Variants in FAM118B observed in about 807,000 individuals in gnomAD.
The protein encoded by FAM118B is protein FAM118B.
In FAM118B, 24 loss-of-function variants were observed where a neutral mutation model predicts 38.5. That is an observed-to-expected ratio of 0.62 (90% CI 0.45 to 0.88). The LOEUF is 0.88. Ranked by LOEUF, FAM118B falls within the 40% of genes least tolerant of loss-of-function variation. FAM118B has a pLI of 0.00. For missense variants in FAM118B, 334 were observed against 420.0 expected, an observed-to-expected ratio of 0.80 and a Z score of 1.79; for synonymous variants, 138 against 156.3, an observed-to-expected ratio of 0.88 and a Z score of 0.87.
At chr11:126,213,700 A>C (rs1016210120) in intron 1 of FAM118B, among the ~76,000 whole-genome samples, 6 of 152,196 alleles carry the variant, frequency 3.9e-5, no homozygotes, top group Non-Finnish European at 8.8e-5. Context: ...ACCTTATGGC[A>C]TTCAAGAAAC....
chr11:126,241,003 C>T lies in FAM118B; in HGVS notation c.298C>T (p.Leu100=), dbSNP rs1483011043. ...GAAATGTCTCCATGAAGACAAGAAC[C>T]TGGTCCATGTTGCCCATGACCTTAT... ...FQKCLHEDKN[L]VHVAHDLIQK... The change falls in exon 4 of 9, where the codon CTG becomes TTG. Residue 100 remains leucine (L), a synonymous_variant. Coordinates refer to ENST00000533050, the MANE Select transcript of FAM118B (RefSeq NM_024556.4). 6.2e-7 allele frequency: 1 copy of T among 1,613,394 alleles called. No homozygotes were observed. The highest frequency in any genetic ancestry group is 1.3e-5 in the African/African-American group (1 of 75,026).
Position 126,255,630 on chromosome 11 carries a change from A to G in FAM118B, c.697-937A>G, listed in dbSNP as rs945887824. On this transcript the variant is annotated intron_variant, in intron 6 of 8. Transcript: ENST00000533050. The surrounding 1 kb of genome is among the most constrained non-coding windows in gnomAD (Gnocchi z 4.6). ...ATATGGTCCAGAAATGGAAGGATTA[A>G]GATATATGAAGACCTACTCTTTGCA... Among the ~76,000 whole-genome samples, 1 of 152,218 alleles carries G rather than the reference A, an allele frequency of 6.6e-6. No homozygotes were observed.
chr11:126,260,725 T>C (rs751969034), intron 7 of FAM118B: 5 of 152,238 alleles, frequency 3.3e-5, no homozygotes, highest in Non-Finnish European at 7.3e-5. Context: ...ATTTGTATAT[T>C]TGAGTACCAT....
chr11:126,228,244 G>T (rs913767965), intron 1 of FAM118B, among the ~76,000 whole-genome samples: 1 of 152,054 alleles, frequency 6.6e-6, no homozygotes, highest in African/African-American at 2.4e-5. Context: ...TGTCACCCAG[G>T]CTGGAGTGCA....
In FAM118B at chr11:126,241,011, T is replaced by A; in HGVS notation, c.306T>A (p.His102Gln). Reference sequence around the variant, plus strand: ...TCCATGAAGACAAGAACCTGGTCCATGTTGCCCATGACCTTATCCAGAAAC... The same window carrying A: ...TCCATGAAGACAAGAACCTGGTCCAAGTTGCCCATGACCTTATCCAGAAAC... ...KCLHEDKNLVHVAHDLIQKLS... is the reference protein window; with the variant it reads ...KCLHEDKNLVQVAHDLIQKLS... Residue 102 changes from histidine to glutamine, a missense_variant, in exon 4 of 9, where the codon CAT (histidine) becomes CAA (glutamine). Around this residue, in one of 3 missense-constraint regions of FAM118B, gnomAD observed 240 missense variants for 295.9 expected, o/e 0.81. Transcript: ENST00000533050. 1 of 1,612,458 alleles carries A rather than the reference T, an allele frequency of 6.2e-7. No homozygotes were observed. Among genetic ancestry groups the A allele is most frequent in the South Asian group, 1.1e-5 (1 of 90,978 alleles).
In FAM118B at chr11:126,236,727, T is replaced by A. The variant is rs144491544; in HGVS notation, c.86+1640T>A. Among the ~76,000 whole-genome samples, 460 of 152,146 alleles carry A rather than the reference T, an allele frequency of 3.0e-3. 2 individuals carry two copies. The highest frequency in any genetic ancestry group is 0.011 in the African/African-American group (443 of 41,546). On this transcript the variant is annotated intron_variant, in intron 3 of 8. Coordinates refer to ENST00000533050, the MANE Select transcript of FAM118B (RefSeq NM_024556.4). ...TGTTATTCAGATGTTGGACTTCTTG[T>A]ATTAAGTCTCTAATTTTTTATGTGT...
intron 2 of FAM118B, among the ~76,000 whole-genome samples, chr11:126,231,984 C>T (rs556841339): frequency 6.6e-6 from 1 of 152,158 alleles, no homozygotes; most frequent in Non-Finnish European, 1.5e-5. Flanking sequence ...GATTACTTGG[C>T]ATTACTTCAA....
At chr11:126,247,888 T>G (rs1020195546) in intron 4 of FAM118B, among the ~76,000 whole-genome samples, 1 of 145,894 alleles carries the variant, frequency 6.9e-6, no homozygotes, top group African/African-American at 2.5e-5. Context: ...TATCTATATA[T>G]ATATATAGAT....
In FAM118B at chr11:126,237,712, C is replaced by T. The variant is rs755632175; in HGVS notation, c.86+2625C>T. ...AAAAAAAAAAAAAAAAAAAAATTAG[C>T]GGGGCGTGGTGGCGCGTGCCTGTAA... On this transcript the variant is annotated intron_variant, in intron 3 of 8. Coordinates refer to ENST00000533050, the MANE Select transcript of FAM118B (RefSeq NM_024556.4). Among the ~76,000 whole-genome samples, 375 of 133,372 alleles carry T rather than the reference C, an allele frequency of 2.8e-3. 1 individual carries two copies. Among genetic ancestry groups the T allele is most frequent in the Middle Eastern group, 8.7e-3 (2 of 230 alleles). 87.5% of individuals were successfully genotyped at this position (133,372 alleles called of 152,430 possible).
rs1950485650 is a variant in FAM118B at position 126,250,375 on chromosome 11, G to A, written c.340-131G>A. On this transcript the variant is annotated intron_variant, in intron 4 of 8. Coordinates refer to ENST00000533050, the MANE Select transcript of FAM118B (RefSeq NM_024556.4). The surrounding 1 kb of genome is among the most constrained non-coding windows in gnomAD (Gnocchi z 5.1). ...CAAAGTGCTGGGATTACAGGCGTGA[G>A]CCACTGCGCCTGGCCTTTATCTCTG... 3 of 633,072 alleles carry A rather than the reference G, an allele frequency of 4.7e-6. No homozygotes were observed. The highest frequency in any genetic ancestry group is 3.9e-5 in the South Asian group (2 of 51,330). 39.2% of individuals were successfully genotyped at this position (633,072 alleles called of 1,614,324 possible). A position where few individuals can be genotyped will look rare whatever the true frequency, so the allele number is the denominator to read the frequency against.
intron 4 of FAM118B, among the ~76,000 whole-genome samples, chr11:126,242,678 CA>C (rs1422163248): frequency 4.6e-5 from 7 of 152,200 alleles, no homozygotes; most frequent in Non-Finnish European, 8.8e-5. Context: ...ATCAAAACCA[CA>C]ACAAGGTGCC....
intron 4 of FAM118B, chr11:126,245,282 T>TA (rs890900250): frequency 5.9e-4 from 86 of 144,824 alleles, no homozygotes; most frequent in South Asian, 4.4e-3. Flanking sequence ...ACCCTGTCTC[T>TA]AAAAAAAAAA....
At chr11:126,235,560 C>T (rs985609509) in intron 3 of FAM118B, among the ~76,000 whole-genome samples, 1 of 151,980 alleles carries the variant, frequency 6.6e-6, no homozygotes, top group Admixed American at 6.6e-5. Flanking sequence ...GCTGTGTCGC[C>T]CAAGCTGGAG....
chr11:126,237,252 G>C, intron 3 of FAM118B, among the ~76,000 whole-genome samples: 1 of 62,032 alleles, frequency 1.6e-5, no homozygotes, highest in South Asian at 6.0e-4. Flanking sequence ...ATGGAGTCTC[G>C]CTCTGTTGCC....
intron 2 of FAM118B, among the ~76,000 whole-genome samples, chr11:126,229,730 C>G (rs971414412): frequency 1.3e-5 from 2 of 152,172 alleles, no homozygotes; most frequent in Admixed American, 6.5e-5. Context: ...CGTGAGCCAC[C>G]GTGTCCAGCC....
chr11:126,217,418 T>C (rs1347379732), intron 1 of FAM118B, among the ~76,000 whole-genome samples: 1 of 152,236 alleles, frequency 6.6e-6, no homozygotes, highest in African/African-American at 2.4e-5. Context: ...AGCTTTTATG[T>C]ACTTACACCT....
intron 1 of FAM118B, among the ~76,000 whole-genome samples, chr11:126,222,849 GATAA>G (rs1438082496): frequency 6.6e-5 from 10 of 152,350 alleles, no homozygotes; most frequent in Admixed American, 4.6e-4. Context: ...GGGATAGGAT[GATAA>G]ATAAATTAGA....
chr11:126,240,716 C>A (rs1193193232), intron 3 of FAM118B, 76 bp from the exon 4 acceptor site: 2 of 1,418,420 alleles, frequency 1.4e-6, no homozygotes, highest in Non-Finnish European at 9.4e-7. Context: ...AAAACTGTAA[C>A]CTGAGTCAGA....
chr11:126,217,852 C>T lies in FAM118B; in HGVS notation c.-77+6022C>T, dbSNP rs902911510. On this transcript the variant is annotated intron_variant, in intron 1 of 8. Transcript: ENST00000533050. ...ATAATTCTAGATTGGAAATAAGGTTCTCTCAGAATGTTGAAGGCATCTGTA... is the reference window on the plus strand; with the variant it reads ...ATAATTCTAGATTGGAAATAAGGTTTTCTCAGAATGTTGAAGGCATCTGTA... Among the ~76,000 whole-genome samples, 18 of 152,224 alleles carry T rather than the reference C, an allele frequency of 1.2e-4. 1 individual carries two copies. The highest frequency in any genetic ancestry group is 4.3e-4 in the African/African-American group (18 of 41,454).
Sources: allele counts gnomAD v4.1 joint callset (sites outside exome capture counted in the v4.1 genomes callset), GRCh38; gene constraint gnomAD v4.1.1; regional missense constraint gnomAD v4.1.1; non-coding constraint Gnocchi (gnomAD v3.1); transcripts MANE v1.5; gene names NCBI Gene and HGNC (gene_info 2026-07-23, HGNC 2026-07-21).